The following TPM4 variants were observed in gnomAD, a reference collection of about 807,000 sequenced individuals.
TPM4 encodes the protein tropomyosin alpha-4 chain.
In TPM4, 17 loss-of-function variants were observed where a neutral mutation model predicts 35.8. The ratio of observed to expected loss-of-function variants is 0.47; its 90% CI spans 0.32 to 0.71. TPM4 has a LOEUF of 0.71. Ranked by LOEUF, TPM4 falls within the 30% of genes least tolerant of loss-of-function variation. The pLI, the probability that TPM4 is intolerant of heterozygous loss-of-function variation, is 0.03. For missense variants in TPM4, 240 were observed against 320.9 expected (o/e 0.75, Z 1.93); for synonymous variants, 120 against 122.9 (o/e 0.98, Z 0.15).
chr19:16,092,155 G>A (rs2090634839), intron 5 of TPM4, among the ~76,000 whole-genome samples: 1 of 150,980 alleles, frequency 6.6e-6, no homozygotes, highest in East Asian at 2.0e-4. Context: ...TCCAGCCTGG[G>A]TGACAGAGCA....
chr19:16,075,703 G>C (rs777051379), upstream of TPM4: 4 of 218,370 alleles, frequency 1.8e-5, no homozygotes, highest in Non-Finnish European at 3.7e-5. Flanking sequence ...CTTAACTCCA[G>C]ATCATGGTGA....
In TPM4 at chr19:16,082,049, A is replaced by G; in HGVS notation, c.266+3A>G. On this transcript the variant is annotated splice_donor_region_variant and intron_variant, in intron 2 of 7. Transcript: ENST00000643579. ...AAAGCTGCAGATGAGAGTGAGAGGT[A>G]AGGACGCTTTGAATCTGGTGGCATC... The G allele has an allele frequency of 6.3e-7, 1 of 1,597,804 alleles. No homozygotes were observed. Among genetic ancestry groups the G allele is most frequent in the Non-Finnish European group, 8.6e-7 (1 of 1,167,018 alleles).
At chr19:16,087,885 C>A in intron 3 of TPM4, 142 bp from the exon 4 acceptor site, 1 of 849,792 alleles carries the variant, frequency 1.2e-6, no homozygotes, top group Non-Finnish European at 1.9e-6. Context: ...CGTCCCCCTG[C>A]AAAAAAAAGA....
upstream of TPM4, chr19:16,075,810 G>C: frequency 1.8e-6 from 1 of 546,164 alleles, no homozygotes; most frequent in Middle Eastern, 5.0e-4. Context: ...GAGTACTGGG[G>C]ACCCCAATAA....
rs542330221 is a variant in TPM4 at position 16,084,506 on chromosome 19, G to C, written c.267-1917G>C. ...AGTCAGACCAGCCTGGCTGGATGCT[G>C]ACGTTGAGGGCTCCCATATTGGCAA... On this transcript the variant is annotated intron_variant, in intron 2 of 7. Coordinates refer to ENST00000643579, the MANE Select transcript of TPM4 (RefSeq NM_003290.3). Among the ~76,000 whole-genome samples, 24 of 152,316 alleles carry C rather than the reference G, an allele frequency of 1.6e-4. No homozygotes were observed. In the South Asian group the frequency reaches 5.0e-3, roughly 32 times the overall value.
At chr19:16,098,476 T>A (rs900058140) in intron 7 of TPM4, among the ~76,000 whole-genome samples, 1 of 151,672 alleles carries the variant, frequency 6.6e-6, no homozygotes, top group East Asian at 1.9e-4. Context: ...GAAAAGAGAT[T>A]AGCACTATGG....
chr19:16,091,985 C>T (rs553078157), intron 5 of TPM4, among the ~76,000 whole-genome samples: 5 of 150,972 alleles, frequency 3.3e-5, no homozygotes, highest in African/African-American at 1.2e-4. Flanking sequence ...GGCTGGCCAT[C>T]GTAGCGAAAC....
At chr19:16,100,187 A>G (rs2090748599) in intron 7 of TPM4, 1 of 152,150 alleles carries the variant, frequency 6.6e-6, no homozygotes, top group South Asian at 2.1e-4. Flanking sequence ...GACGGGGAAA[A>G]CAGACCTAGG....
chr19:16,076,407 A>C, upstream of TPM4: 2 of 1,362,428 alleles, frequency 1.5e-6, no homozygotes, highest in Non-Finnish European at 1.9e-6. Flanking sequence ...GGGTGACCTC[A>C]TCGCCCCGAC....
At chr19:16,076,777 C>T (rs1201031873) in intron 1 of TPM4, 80 bp downstream of exon 1, 4 of 1,281,588 alleles carry the variant, frequency 3.1e-6, no homozygotes, top group Non-Finnish European at 3.0e-6. Context: ...TCCCGCGCTG[C>T]CCGCCCGCGC....
intron 7 of TPM4, among the ~76,000 whole-genome samples, chr19:16,094,308 C>T (rs905804428): frequency 3.3e-5 from 5 of 152,084 alleles, no homozygotes; most frequent in South Asian, 4.1e-4. Flanking sequence ...CCGAGGCGGG[C>T]GGATCACTTG....
chr19:16,097,272 T>C (rs1168042028), intron 7 of TPM4, among the ~76,000 whole-genome samples: 1 of 150,662 alleles, frequency 6.6e-6, no homozygotes, highest in Non-Finnish European at 1.5e-5. Context: ...GCTTTGCTTT[T>C]TTTTTTCTTC....
In TPM4 at chr19:16,069,950, G is replaced by A. The variant is rs557658296; in HGVS notation, c.114+2212G>A. Among the ~76,000 whole-genome samples the A allele has an allele frequency of 1.2e-4, 19 of 152,038 alleles. No homozygotes were observed. The East Asian group carries it at 2.1e-3, about 17-fold the overall frequency. On this transcript the variant is annotated intron_variant, in intron 2 of 2. Coordinates refer to the TPM4 transcript ENST00000589897. ...GAAGCCTCCACTGTGACAGAAGCCC[G>A]CTGTCTCATGGGCACCTGCCCAGGA...
rs1282473376 is a variant in TPM4 at position 16,086,508 on chromosome 19, A to G, written c.352A>G (p.Ile118Val). 3 of 1,613,784 alleles carry G rather than the reference A, an allele frequency of 1.9e-6. No individual in the cohort carries two copies. The highest frequency in any genetic ancestry group is 3.3e-5 in the Admixed American group (2 of 59,938). The change falls in exon 3 of 8, where the codon ATT (isoleucine) becomes GTT (valine). Residue 118 changes from isoleucine (I) to valine (V), a missense_variant. By Grantham distance (29) the Ile-to-Val change is conservative. Transcript: ENST00000643579. ...GATGCAGCTCAAAGAGGCCAAGCAC[A>G]TTGCGGAAGAGGCTGACCGCAAATA... ...QEMQLKEAKH[I>V]AEEADRKYEE...
At chr19:16,076,009 C>CA (rs780234642), upstream of TPM4, 6 of 1,591,184 alleles carry the variant, frequency 3.8e-6, no homozygotes, top group South Asian at 2.3e-5. Context: ...CGTGACCCCC[C>CA]CCCCAGGCTG....
At position 16,093,517 on chromosome 19, in the gene TPM4, G is replaced by A. The variant is rs1189358570; in HGVS notation, c.532-19G>A. ...CTGGGCCTCCTTTTCTTAAAGCAGT[G>A]TTTTGGTTTCTCCCACAGTATTCTG... On this transcript the variant is annotated intron_variant, in intron 5 of 7. Transcript: ENST00000643579. 3 of 1,613,828 alleles carry A rather than the reference G, an allele frequency of 1.9e-6. No individual in the cohort carries two copies. The highest frequency in any genetic ancestry group is 2.5e-6 in the Non-Finnish European group (3 of 1,180,000).
Position 16,070,026 on chromosome 19 carries a change from A to G in TPM4, c.114+2288A>G, listed in dbSNP as rs906782411. On this transcript the variant is annotated intron_variant, in intron 2 of 2. Coordinates refer to the TPM4 transcript ENST00000589897. This position sits in a 1 kb window ranked among gnomAD's most constrained non-coding sequence, Gnocchi z 7.4. ...TGTGTGGTGGGGGCCCAGGGCTGTG[A>G]CCTGCTGCAGGGGTGACTGGGTGGG... Among the ~76,000 whole-genome samples the G allele has an allele frequency of 6.6e-5, 10 of 151,826 alleles. No individual in the cohort carries two copies. The East Asian group carries it at 1.4e-3, about 21-fold the overall frequency.
At chr19:16,076,859 G>A in intron 1 of TPM4, 162 bp downstream of exon 1, 1 of 1,242,262 alleles carries the variant, frequency 8.0e-7, no homozygotes, top group East Asian at 3.3e-5. Context: ...CCGCAGCCAG[G>A]ACCCCCTACT....
intron 7 of TPM4, chr19:16,095,757 T>G: frequency 3.9e-6 from 1 of 255,312 alleles, no homozygotes; most frequent in Non-Finnish European, 6.2e-6. Flanking sequence ...TTTTTTTTTG[T>G]TTTTTTGTTT....
Sources: gnomAD v4.1 joint callset for allele counts (sites outside exome capture counted in the v4.1 genomes callset) on GRCh38, gnomAD v4.1.1 for gene constraint, Gnocchi (gnomAD v3.1) non-coding constraint, MANE v1.5 for transcripts, NCBI Gene and HGNC (gene_info 2026-07-23, HGNC 2026-07-21) for gene names.